ANK2: variants seen among roughly 807,000 people sequenced by gnomAD.
ANK2 encodes ankyrin 2.
In ANK2, 83 loss-of-function variants were observed where a neutral mutation model predicts 360.5. The observed-to-expected ratio is 0.23, with a 90% CI of 0.19 to 0.28. The LOEUF (loss-of-function observed/expected upper bound fraction) is 0.28. Ranked by LOEUF, ANK2 falls within the 10% of genes least tolerant of loss-of-function variation. The probability of loss-of-function intolerance (pLI) is 1.00; values close to 1 mark genes in which losing one functional copy is unlikely to be tolerated. For synonymous variants in ANK2, 1,740 were observed against 1,759.5 expected, an observed-to-expected ratio of 0.99 and a Z score of 0.28; for missense variants, 4,201 against 4,795.7, an observed-to-expected ratio of 0.88 and a Z score of 3.66.
rs1382976618 is a variant in ANK2 at position 113,363,191 on chromosome 4, T to A, written c.10757-147T>A. On this transcript the variant is annotated intron_variant, in intron 39 of 45. Coordinates refer to ENST00000357077, the MANE Select transcript of ANK2 (RefSeq NM_001148.6). ...TTAGTACTAGAAGAACAAAGGCATA[T>A]AAGAGTCACTTCTAATATGTAGAAA... 14 of 764,864 alleles carry A rather than the reference T, an allele frequency of 1.8e-5. No homozygotes were observed. In the Middle Eastern group the frequency reaches 1.1e-3, roughly 63 times the overall value. The allele number at this position is 764,864 out of a possible 1,614,324, so 47.4% of individuals were successfully genotyped here. A position where few individuals can be genotyped will look rare whatever the true frequency, so the allele number is the denominator to read the frequency against.
chr4:113,342,895 T>C, intron 33 of ANK2, 122 bp from the exon 34 acceptor site: 2 of 1,270,808 alleles, frequency 1.6e-6, no homozygotes, highest in Non-Finnish European at 2.3e-6. Flanking sequence ...AGTTGTCAAT[T>C]TAAAGATGGT....
intron 2 of ANK2, among the ~76,000 whole-genome samples, chr4:113,018,396 G>A (rs769001896): frequency 2.6e-5 from 4 of 152,158 alleles, no homozygotes; most frequent in Admixed American, 6.5e-5. Context: ...AGGAACCATC[G>A]CGTAAAGAAT....
chr4:113,333,026 C>G (rs2153941522), intron 28 of ANK2, 28 bp from the exon 29 acceptor site: 6 of 1,614,068 alleles, frequency 3.7e-6, no homozygotes, highest in Non-Finnish European at 5.1e-6. Context: ...CTCCTGTCCA[C>G]ACTGAATGTT....
At chr4:113,038,678 A>G (rs1425158726) in intron 2 of ANK2, among the ~76,000 whole-genome samples, 1 of 152,054 alleles carries the variant, frequency 6.6e-6, no homozygotes, top group Admixed American at 6.6e-5. Flanking sequence ...CCAATAAAAT[A>G]TGGCAGAGCC....
chr4:112,810,933 T>TTC, the ANK2 span, among the ~76,000 whole-genome samples: 1 of 133,168 alleles, frequency 7.5e-6, no homozygotes, highest in Non-Finnish European at 1.7e-5. Flanking sequence ...TTTCTTTCTT[T>TTC]TTTTTTTTTT....
upstream of ANK2, among the ~76,000 whole-genome samples, chr4:113,045,123 C>A (rs2063941579): frequency 6.6e-6 from 1 of 152,148 alleles, no homozygotes; most frequent in Non-Finnish European, 1.5e-5. Flanking sequence ...CTTCAGAGAA[C>A]TTTACCTCAC....
At chr4:113,261,358 C>A (rs1235905316) in intron 13 of ANK2, among the ~76,000 whole-genome samples, 1 of 152,130 alleles carries the variant, frequency 6.6e-6, no homozygotes, top group African/African-American at 2.4e-5. Flanking sequence ...CAAGGTCTTA[C>A]AAAGTTTTAT....
intron 22 of ANK2, among the ~76,000 whole-genome samples, chr4:113,300,592 A>T (rs951915890): frequency 1.3e-5 from 2 of 152,228 alleles, no homozygotes; most frequent in African/African-American, 4.8e-5. Context: ...AGCAGCAGAT[A>T]AACACAGTTA....
chr4:112,792,340 G>A, the ANK2 span, among the ~76,000 whole-genome samples: 7 of 151,968 alleles, frequency 4.6e-5, no homozygotes, highest in Admixed American at 3.3e-4. Context: ...CGTGCCCTGC[G>A]ACAACACATC....
chr4:112,713,451 C>G, the ANK2 span, among the ~76,000 whole-genome samples: 1 of 152,114 alleles, frequency 6.6e-6, no homozygotes, highest in African/African-American at 2.4e-5. Context: ...TGCCTGTAAT[C>G]CTAGCTACTC....
At chr4:112,712,493 C>T in the ANK2 span, among the ~76,000 whole-genome samples, 29 of 149,546 alleles carry the variant, frequency 1.9e-4, no homozygotes, top group African/African-American at 6.6e-4. Flanking sequence ...CTGCAAGCTC[C>T]GCCTCCCGGG....
chr4:113,133,479 A>G (rs372478381), intron 1 of ANK2, among the ~76,000 whole-genome samples: 1 of 152,190 alleles, frequency 6.6e-6, no homozygotes, highest in Admixed American at 6.5e-5. Flanking sequence ...TTTCATGGCA[A>G]ATAAATACCT....
intron 9 of ANK2, among the ~76,000 whole-genome samples, chr4:113,248,834 A>T (rs1268625563): frequency 6.6e-6 from 1 of 152,156 alleles, no homozygotes; most frequent in Non-Finnish European, 1.5e-5. Context: ...TCCTTGGGAC[A>T]ATCTTTTTTT....
chr4:112,756,265 C>T, the ANK2 span, among the ~76,000 whole-genome samples: 29 of 146,076 alleles, frequency 2.0e-4, no homozygotes, highest in African/African-American at 7.8e-4. Context: ...GAGTCTCACT[C>T]TGCTGTCCAG....
At chr4:113,118,743 T>G (rs1265924918) in intron 1 of ANK2, among the ~76,000 whole-genome samples, 1 of 152,206 alleles carries the variant, frequency 6.6e-6, no homozygotes, top group East Asian at 1.9e-4. Flanking sequence ...TCGACTTCCT[T>G]CTTGACAGCG....
chr4:112,958,374 T>C lies in ANK2; in HGVS notation c.21+53860T>C, dbSNP rs187108635. Among the ~76,000 whole-genome samples the C allele has an allele frequency of 3.4e-3, 523 of 152,264 alleles. 14 individuals carry two copies. Among genetic ancestry groups the C allele is most frequent in the Admixed American group, 0.032 (483 of 15,304 alleles). On this transcript the variant is annotated intron_variant, in intron 2 of 30. Transcript: ENST00000503271. ...CGGGAGGCCGAGGCTGGCGGATCAC[T>C]CGCGGTTAGGAGCTGGAGACCAGCC...
chr4:113,105,879 G>A (rs1052314787), intron 1 of ANK2, among the ~76,000 whole-genome samples: 3 of 152,212 alleles, frequency 2.0e-5, no homozygotes, highest in South Asian at 2.1e-4. Context: ...AAAGAAATTC[G>A]TTATACATAT....
In ANK2 at chr4:112,930,787, C is replaced by G. The variant is rs1460186027; in HGVS notation, c.21+26273C>G. Reference sequence around the variant, plus strand: ...CCTGTAATCCCAGTTACTCAGGAGGCTGAGGCAGGAGAATCCCTTGAACCC... The same window carrying G: ...CCTGTAATCCCAGTTACTCAGGAGGGTGAGGCAGGAGAATCCCTTGAACCC... On this transcript the variant is annotated intron_variant, in intron 2 of 30. Transcript: ENST00000503271. 2.0e-5 allele frequency among the ~76,000 whole-genome samples: 3 copies of G among 151,004 alleles called. No individual in the cohort carries two copies. In the South Asian group the frequency reaches 6.3e-4, roughly 32 times the overall value.
Position 113,367,826 on chromosome 4 carries a change from T to G in ANK2, c.11293T>G (p.Ser3765Ala), listed in dbSNP as rs770370534. Reference sequence around the variant, plus strand: ...AATGCAAGACCTGCCTGAAGAGTCATCTCTGGAATATCAGCAGGAATATTT... The same window carrying G: ...AATGCAAGACCTGCCTGAAGAGTCAGCTCTGGAATATCAGCAGGAATATTT... ...GKMQDLPEES[S>A]LEYQQEYFVT... Residue 3765 changes from serine to alanine, a missense_variant, in exon 42 of 46, where the codon TCT (serine) becomes GCT (alanine). By Grantham distance (99) the Ser-to-Ala change is moderately conservative. This residue lies in a region of ANK2 where 2,642 missense variants were observed against 2,714.5 expected (regional missense o/e 0.97). Coordinates refer to ENST00000357077, the MANE Select transcript of ANK2 (RefSeq NM_001148.6). 3.1e-6 allele frequency: 5 copies of G among 1,614,004 alleles called. No homozygotes were observed. The highest frequency in any genetic ancestry group is 4.2e-6 in the Non-Finnish European group (5 of 1,179,994).
Sources: gnomAD v4.1 joint callset for allele counts (sites outside exome capture counted in the v4.1 genomes callset) on GRCh38, gnomAD v4.1.1 for gene constraint, gnomAD v4.1.1 regional missense constraint, MANE v1.5 for transcripts, NCBI Gene and HGNC (gene_info 2026-07-23, HGNC 2026-07-21) for gene names.